LMO7: variants seen among roughly 807,000 people sequenced by gnomAD.
LMO7 encodes the protein LIM domain 7.
In LMO7, 120 loss-of-function variants were observed where a neutral mutation model predicts 206.5. The observed-to-expected ratio is 0.58, with a 90% confidence interval of 0.50 to 0.68. The LOEUF (loss-of-function observed/expected upper bound fraction) is 0.68. Ranked by LOEUF, LMO7 falls within the 30% of genes least tolerant of loss-of-function variation. The probability of loss-of-function intolerance (pLI) is 0.00; values close to 1 mark genes in which losing one functional copy is unlikely to be tolerated. For missense variants in LMO7, 1,959 were observed against 1,957.9 expected (o/e 1.00, Z -0.01); for synonymous variants, 706 against 681.5 (o/e 1.04, Z -0.56).
intron 1 of LMO7, among the ~76,000 whole-genome samples, chr13:75,680,377 A>G (rs1481991986): frequency 6.6e-6 from 1 of 152,198 alleles, no homozygotes; most frequent in Non-Finnish European, 1.5e-5. Context: ...ATGTATCCTT[A>G]TAATAGAATG....
intron 3 of LMO7, among the ~76,000 whole-genome samples, chr13:75,748,600 A>G (rs2047036125): frequency 6.6e-6 from 1 of 152,202 alleles, no homozygotes; most frequent in African/African-American, 2.4e-5. Flanking sequence ...AAAATGTCAC[A>G]TGAGGGACAA....
intron 3 of LMO7, among the ~76,000 whole-genome samples, chr13:75,733,103 C>T (rs1353384649): frequency 1.3e-5 from 2 of 152,220 alleles, no homozygotes; most frequent in African/African-American, 4.8e-5. Flanking sequence ...AGGCAGTCTC[C>T]CCGTTCTCAG....
At chr13:75,812,771 G>A (rs530128434) in intron 11 of LMO7, among the ~76,000 whole-genome samples, 1 of 152,272 alleles carries the variant, frequency 6.6e-6, no homozygotes, top group South Asian at 2.1e-4. Flanking sequence ...TGCTAGATCT[G>A]TATTTTTTGG....
chr13:75,821,759 A>G, intron 14 of LMO7, 150 bp downstream of exon 14: 2 of 584,146 alleles, frequency 3.4e-6, no homozygotes, highest in South Asian at 4.9e-5. Flanking sequence ...GATGCAATGG[A>G]AACTTAATGC....
chr13:75,648,132 G>A (rs146290985), intron 1 of LMO7, among the ~76,000 whole-genome samples: 1 of 151,524 alleles, frequency 6.6e-6, no homozygotes, highest in Non-Finnish European at 1.5e-5. Context: ...TTTTTTTGTA[G>A]AGACAGGGTC....
At chr13:75,684,837 A>C (rs2040846876) in intron 1 of LMO7, among the ~76,000 whole-genome samples, 1 of 136,758 alleles carries the variant, frequency 7.3e-6, no homozygotes, top group Non-Finnish European at 1.6e-5. Flanking sequence ...ACACACACGC[A>C]CATACACACA....
At chr13:75,763,802 A>T (rs972233032) in intron 4 of LMO7, among the ~76,000 whole-genome samples, 1 of 152,076 alleles carries the variant, frequency 6.6e-6, no homozygotes. Context: ...TGCTGTATGG[A>T]GCCCAAGCAG....
intron 2 of LMO7, among the ~76,000 whole-genome samples, chr13:75,631,099 T>G (rs981784428): frequency 2.0e-5 from 3 of 152,212 alleles, no homozygotes; most frequent in African/African-American, 7.2e-5. Context: ...CAATCTTGGC[T>G]CACTGCAACC....
chr13:75,763,900 C>T (rs902149836), intron 4 of LMO7, among the ~76,000 whole-genome samples: 9 of 150,958 alleles, frequency 6.0e-5, no homozygotes, highest in Admixed American at 5.9e-4. Flanking sequence ...AGGACTCCAA[C>T]TGTTTTTCAG....
At chr13:75,816,425 G>A (rs556761124) in intron 11 of LMO7, among the ~76,000 whole-genome samples, 1 of 152,254 alleles carries the variant, frequency 6.6e-6, no homozygotes, top group Admixed American at 6.5e-5. Flanking sequence ...GCTCTTTTAT[G>A]TGCATGTAGA....
At chr13:75,756,782 TG>T (rs1402077476) in intron 3 of LMO7, among the ~76,000 whole-genome samples, 1 of 152,188 alleles carries the variant, frequency 6.6e-6, no homozygotes, top group African/African-American at 2.4e-5. Flanking sequence ...GAATTACACC[TG>T]AAGAGCCTCA....
intron 1 of LMO7, among the ~76,000 whole-genome samples, chr13:75,704,982 T>C (rs1414607063): frequency 6.6e-6 from 1 of 152,240 alleles, no homozygotes; most frequent in East Asian, 1.9e-4. Context: ...AGATATTTTC[T>C]TCTACAGAAC....
chr13:75,705,712 A>C (rs978004373), intron 1 of LMO7, among the ~76,000 whole-genome samples: 11 of 152,358 alleles, frequency 7.2e-5, no homozygotes, highest in Admixed American at 3.3e-4. Context: ...GAACTACTAA[A>C]CAGTTCTTTT....
rs768192810 is a variant in LMO7, at chr13:75,853,170, A to T, written c.4443A>T (p.Gly1481=). ...CTCCTTGGCTCAATCAGCCCACAGG[A>T]TTCTATGCTTCTTCCTCTGTGCAAG... The part of the protein sequence containing the change: ...RQPPWLNQPT[G]FYASSSVQDF... Residue 1481 remains glycine (G), a synonymous_variant, in exon 28 of 31, where the codon GGA becomes GGT. Coordinates refer to ENST00000377534, the MANE Select transcript of LMO7 (RefSeq NM_001306080.2). The T allele has an allele frequency of 9.9e-6, 16 of 1,614,050 alleles. No individual in the cohort carries two copies. The South Asian group carries it at 1.8e-4, about 18-fold the overall frequency.
intron 3 of LMO7, among the ~76,000 whole-genome samples, chr13:75,737,568 A>G (rs1324133146): frequency 6.7e-6 from 1 of 148,634 alleles, no homozygotes. Flanking sequence ...CCTGGCTAAC[A>G]CGGTGAAACC....
intron 20 of LMO7, among the ~76,000 whole-genome samples, chr13:75,838,986 T>C (rs2059369009): frequency 6.6e-6 from 1 of 152,204 alleles, no homozygotes; most frequent in Non-Finnish European, 1.5e-5. Flanking sequence ...GTTTCTTACT[T>C]TTAAGACTAT....
intron 3 of LMO7, among the ~76,000 whole-genome samples, chr13:75,750,564 A>G (rs1168083298): frequency 6.6e-6 from 1 of 150,690 alleles, no homozygotes; most frequent in African/African-American, 2.4e-5. Context: ...TAATAATTTT[A>G]TTTTTTTTGG....
In LMO7 at chr13:75,823,554, T is replaced by C. The variant is rs1405886766; in HGVS notation, c.2641-11T>C. ...AGAATATCAAGTTTAAAATGATGTT[T>C]TCTTATTTAGATGGATGATGCTTGG... On this transcript the variant is annotated splice_polypyrimidine_tract_variant and intron_variant, in intron 14 of 30. Transcript: ENST00000377534. 6.3e-7 allele frequency: 1 copy of C among 1,575,616 alleles called. No homozygotes were observed. Among genetic ancestry groups the C allele is most frequent in the Non-Finnish European group, 8.7e-7 (1 of 1,151,156 alleles).
rs371242913 is a variant in LMO7 at position 75,823,729 on chromosome 13, C to T, written c.2805C>T (p.Pro935=). ...CAGAAGAAGATGTGACAAGGCTGCC[C>T]TCTCCTACATCCCCCTTCTCATCTC... The part of the protein sequence containing the change: ...AATEEDVTRL[P]SPTSPFSSLS... Residue 935 remains proline, a synonymous_variant, in exon 15 of 31, where the codon CCC becomes CCT. Transcript: ENST00000377534. 3.4e-5 allele frequency: 55 copies of T among 1,614,008 alleles called. No individual in the cohort carries two copies. The highest frequency in any genetic ancestry group is 4.2e-5 in the Non-Finnish European group (50 of 1,180,014).
Sources: allele counts gnomAD v4.1 joint callset (sites outside exome capture counted in the v4.1 genomes callset), GRCh38; gene constraint gnomAD v4.1.1; transcripts MANE v1.5; gene names NCBI Gene and HGNC (gene_info 2026-07-23, HGNC 2026-07-21).